The following KIF13B variants were observed in gnomAD, a reference collection of about 807,000 sequenced individuals.
KIF13B encodes the protein kinesin-like protein KIF13B.
KIF13B carries 127 observed loss-of-function variants against 222.0 expected under a neutral mutation model. The observed-to-expected ratio is 0.57, with a 90% CI of 0.50 to 0.66. KIF13B has a LOEUF of 0.66. Ranked by LOEUF, KIF13B falls within the 30% of genes least tolerant of loss-of-function variation. The probability of loss-of-function intolerance (pLI) is 0.00; values close to 1 mark genes in which losing one functional copy is unlikely to be tolerated. For synonymous variants in KIF13B, 976 were observed against 919.0 expected (o/e 1.06, Z -1.12); for missense variants, 2,173 against 2,379.0 (o/e 0.91, Z 1.80).
intron 2 of KIF13B, among the ~76,000 whole-genome samples, chr8:29,210,610 A>G (rs1428376878): frequency 6.6e-6 from 1 of 152,220 alleles, no homozygotes; most frequent in East Asian, 1.9e-4. Flanking sequence ...ACCAACAAGG[A>G]AATATTCGGT....
chr8:29,115,911 C>G (rs753922859), intron 31 of KIF13B, among the ~76,000 whole-genome samples: 3 of 152,174 alleles, frequency 2.0e-5, no homozygotes, highest in African/African-American at 7.2e-5. Flanking sequence ...CTCTGAAGCG[C>G]CCCCACCACC....
intron 18 of KIF13B, among the ~76,000 whole-genome samples, chr8:29,143,794 G>A (rs182466819): frequency 9.5e-4 from 144 of 152,032 alleles, no homozygotes; most frequent in Middle Eastern, 3.4e-3. Flanking sequence ...AGTGAGCCGA[G>A]ATCGCGCCAC....
intron 24 of KIF13B, 41 bp from the exon 25 acceptor site, chr8:29,127,309 G>C: frequency 1.3e-6 from 2 of 1,583,662 alleles, no homozygotes; most frequent in Middle Eastern, 1.7e-4. Context: ...TCAGTGTCTT[G>C]ATTTCCAAAA....
chr8:29,098,790 A>G (rs1808659908), intron 36 of KIF13B, among the ~76,000 whole-genome samples: 1 of 152,182 alleles, frequency 6.6e-6, no homozygotes, highest in African/African-American at 2.4e-5. Context: ...TATGAAGCCA[A>G]TGCAATCATA....
At chr8:29,165,918 G>GAAGTACCTCGATTGTAGATCA (rs1174507514) in intron 11 of KIF13B, 146 bp from the exon 12 acceptor site, 28 of 664,706 alleles carry the variant, frequency 4.2e-5, no homozygotes, top group African/African-American at 3.4e-4. Flanking sequence ...ATTGTAGATC[G>GAAGTACCTCGATTGTAGATCA]AAGTACCTCG....
chr8:29,180,665 A>T (rs182174429), intron 7 of KIF13B, among the ~76,000 whole-genome samples: 6 of 152,364 alleles, frequency 3.9e-5, no homozygotes, highest in Non-Finnish European at 8.8e-5. Flanking sequence ...TCATACAGGC[A>T]TATCACCGAC....
intron 11 of KIF13B, 54 bp downstream of exon 11, chr8:29,167,319 C>G (rs953555602): frequency 6.9e-7 from 1 of 1,458,226 alleles, no homozygotes; most frequent in South Asian, 1.2e-5. Context: ...AATTCAAGCT[C>G]TAGGCTGATT....
chr8:29,180,207 T>C lies in KIF13B; in HGVS notation c.617A>G (p.Lys206Arg). The change falls in exon 8 of 40, where the codon AAA (lysine) becomes AGA (arginine). Residue 206 changes from lysine to arginine, a missense_variant. Lys to Arg is a conservative substitution (Grantham distance 26). Coordinates refer to ENST00000524189, the MANE Select transcript of KIF13B (RefSeq NM_015254.4). ...GTTGGTTGCAGCAACTGTGCGAGAT[T>C]TGTTACCCTCAGACATCAACGACTC... ...DIESLMSEGN[K>R]SRTVAATNMN... 1 of 1,614,004 alleles carries C rather than the reference T, an allele frequency of 6.2e-7. No individual in the cohort carries two copies. The highest frequency in any genetic ancestry group is 8.5e-7 in the Non-Finnish European group (1 of 1,179,874).
At chr8:29,197,034 G>C (rs912684992) in intron 2 of KIF13B, among the ~76,000 whole-genome samples, 1 of 152,034 alleles carries the variant, frequency 6.6e-6, no homozygotes, top group African/African-American at 2.4e-5. Context: ...TCTCATCAGG[G>C]GACAAGAAAA....
chr8:29,075,570 G>A (rs1395256784), intron 37 of KIF13B, among the ~76,000 whole-genome samples: 2 of 145,552 alleles, frequency 1.4e-5, no homozygotes, highest in East Asian at 2.1e-4. Flanking sequence ...CACACATGGT[G>A]CACTTACACA....
rs574349143 is a variant in KIF13B, at chr8:29,145,159, G to C, written c.2187+1219C>G. 1.3e-3 allele frequency among the ~76,000 whole-genome samples: 195 copies of C among 152,216 alleles called. 1 individual carries two copies. Among genetic ancestry groups the C allele is most frequent in the Non-Finnish European group, 2.5e-3 (171 of 68,018 alleles). Reference sequence around the variant, plus strand: ...CAGACTTTGCCCTACAAATACTAGTGTTCTAATTAAGTAAAAATTTTCAAA... The same window carrying C: ...CAGACTTTGCCCTACAAATACTAGTCTTCTAATTAAGTAAAAATTTTCAAA... On this transcript the variant is annotated intron_variant, in intron 18 of 39. Transcript: ENST00000524189.
chr8:29,197,060 G>A (rs550261611), intron 2 of KIF13B, among the ~76,000 whole-genome samples: 10 of 152,018 alleles, frequency 6.6e-5, no homozygotes, highest in Admixed American at 2.0e-4. Flanking sequence ...CAATATGGCC[G>A]GGCGCGGTGG....
At chr8:29,242,149 A>G (rs1389787965) in intron 2 of KIF13B, among the ~76,000 whole-genome samples, 1 of 152,188 alleles carries the variant, frequency 6.6e-6, no homozygotes, top group African/African-American at 2.4e-5. Context: ...GGTAGAGGAG[A>G]GAAAGAAGCA....
At chr8:29,258,919 T>C (rs1033821830) in intron 1 of KIF13B, among the ~76,000 whole-genome samples, 25 of 152,212 alleles carry the variant, frequency 1.6e-4, no homozygotes, top group African/African-American at 5.5e-4. Flanking sequence ...TAAAGCATGC[T>C]TTAAGAAACT....
chr8:29,216,960 CAA>C (rs796159735), intron 2 of KIF13B, among the ~76,000 whole-genome samples: 2 of 126,104 alleles, frequency 1.6e-5, no homozygotes, highest in African/African-American at 2.9e-5. Flanking sequence ...ATATTCAGTC[CAA>C]AAAAAAAAAA....
intron 8 of KIF13B, 48 bp downstream of exon 8, chr8:29,180,056 C>T (rs781310563): frequency 1.4e-5 from 23 of 1,603,382 alleles, no homozygotes; most frequent in East Asian, 8.9e-5. Flanking sequence ...AATAAAACCA[C>T]AATCCACTTT....
chr8:29,071,745 G>C lies in KIF13B; in HGVS notation c.5093C>G (p.Pro1698Arg), dbSNP rs1009322807. 1 of 1,549,802 alleles carries C rather than the reference G, an allele frequency of 6.5e-7. No individual in the cohort carries two copies. The highest frequency in any genetic ancestry group is 8.7e-7 in the Non-Finnish European group (1 of 1,146,644). ...ASDSEEADEV[P>R]EWLREGEFVT... ...GAACTCGCCCTCTCGGAGCCACTCC[G>C]GGACCTCGTCAGCTTCCTCGGAATC... Residue 1698 changes from proline (P) to arginine (R), a missense_variant, in exon 39 of 40, where the codon CCG becomes CGG. Around this residue, in one of 2 missense-constraint regions of KIF13B, gnomAD observed 693 missense variants for 656.2 expected, o/e 1.06. Transcript: ENST00000524189. The surrounding 1 kb of genome is among the most constrained non-coding windows in gnomAD (Gnocchi z 4.9).
Position 29,213,945 on chromosome 8 carries a change from C to G in KIF13B, c.150-17746G>C, listed in dbSNP as rs753649862. Among the ~76,000 whole-genome samples the G allele has an allele frequency of 5.9e-5, 9 of 152,136 alleles. No homozygotes were observed. In the South Asian group the frequency reaches 1.5e-3, roughly 25 times the overall value. ...CTCCAGTCTGGGAGACAGAGCAAGA[C>G]TCCATCTCAAAAAAATAAATAAAAT... On this transcript the variant is annotated intron_variant, in intron 2 of 39. Transcript: ENST00000524189.
intron 1 of KIF13B, among the ~76,000 whole-genome samples, chr8:29,247,275 C>A (rs1816069070): frequency 6.6e-6 from 1 of 152,136 alleles, no homozygotes; most frequent in Non-Finnish European, 1.5e-5. Context: ...ATAGTTCCAA[C>A]TACTGGGGAG....
Sources: allele counts gnomAD v4.1 joint callset (sites outside exome capture counted in the v4.1 genomes callset), GRCh38; gene constraint gnomAD v4.1.1; regional missense constraint gnomAD v4.1.1; non-coding constraint Gnocchi (gnomAD v3.1); transcripts MANE v1.5; gene names NCBI Gene and HGNC (gene_info 2026-07-23, HGNC 2026-07-21).